Variants in TMEM230 observed in about 807,000 individuals in gnomAD.
The protein encoded by TMEM230 is UPF0414 transmembrane protein C20orf30.
In TMEM230, 10 loss-of-function variants were observed where a neutral mutation model predicts 15.8. The ratio of observed to expected loss-of-function variants is 0.63; its 90% CI spans 0.39 to 1.07. TMEM230 has a LOEUF of 1.07. Among genes scored for constraint, TMEM230 ranks in the 50% least tolerant of loss-of-function variants. The pLI is 0.01. For missense variants in TMEM230, 165 were observed against 193.3 expected (o/e 0.85, Z 0.87); for synonymous variants, 67 against 76.9 (o/e 0.87, Z 0.68).
In TMEM230 at chr20:5,091,486, C is replaced by G. The variant is rs569478026; in HGVS notation, c.222+14702G>C. The stretch of plus-strand genomic sequence containing the variant: ...TCGGCCTCCAAAAGTGCTGGGATTA[C>G]AGGTGTGAGCCACCGCACCCAGCTG... On this transcript the variant is annotated intron_variant, in intron 3 of 3. Coordinates refer to the TMEM230 transcript ENST00000612323. 8.5e-5 allele frequency among the ~76,000 whole-genome samples: 13 copies of G among 152,276 alleles called. No individual in the cohort carries two copies. The East Asian group carries it at 2.5e-3, about 29-fold the overall frequency.
the TMEM230 span, among the ~76,000 whole-genome samples, chr20:5,062,507 G>A: frequency 6.6e-6 from 1 of 152,152 alleles, no homozygotes; most frequent in Non-Finnish European, 1.5e-5. Context: ...TGTAATCCCA[G>A]CACTTTGAAA....
chr20:5,102,074 C>T (rs1406098060), intron 4 of TMEM230, among the ~76,000 whole-genome samples: 1 of 152,216 alleles, frequency 6.6e-6, no homozygotes, highest in Non-Finnish European at 1.5e-5. Flanking sequence ...CAAACTATGA[C>T]AGGGCAAACT....
rs1436997917 is a variant in TMEM230 at position 5,082,920 on chromosome 20, TTG to T, written c.223-13573_223-13572del. Among the ~76,000 whole-genome samples the T allele has an allele frequency of 1.8e-4, 18 of 102,314 alleles. No individual in the cohort carries two copies. In the South Asian group the frequency reaches 3.5e-3, roughly 20 times the overall value. The allele number at this position is 102,314 out of a possible 152,430, so 67.1% of individuals were successfully genotyped here. A position where few individuals can be genotyped will look rare whatever the true frequency, so the allele number is the denominator to read the frequency against. ...TGGCATTTGTGATTAATTCTTCATATTGTTTTTTTTTTTTTTTTCTTTTTCAG... is the reference window on the plus strand; with the variant it reads ...TGGCATTTGTGATTAATTCTTCATATTTTTTTTTTTTTTTTTCTTTTTCAG... On this transcript the variant is annotated intron_variant, in intron 3 of 3. Transcript: ENST00000612323.
chr20:5,098,894 A>T (rs1242538588), downstream of TMEM230, among the ~76,000 whole-genome samples: 2 of 152,182 alleles, frequency 1.3e-5, no homozygotes, highest in Non-Finnish European at 2.9e-5. Context: ...CAGGAAGGGT[A>T]TATTAAGAAA....
chr20:5,063,766 G>T (rs2088628059), downstream of TMEM230, among the ~76,000 whole-genome samples: 1 of 150,892 alleles, frequency 6.6e-6, no homozygotes, highest in South Asian at 2.1e-4. Context: ...TGATGAAATA[G>T]AATTTATAAC....
intron 3 of TMEM230, among the ~76,000 whole-genome samples, chr20:5,076,867 G>A (rs1250313139): frequency 1.3e-5 from 2 of 151,184 alleles, no homozygotes; most frequent in African/African-American, 2.4e-5. Context: ...TAGTACAGAC[G>A]GGGTTTCGCC....
At chr20:5,087,935 T>G (rs545388783) in intron 3 of TMEM230, among the ~76,000 whole-genome samples, 2 of 146,180 alleles carry the variant, frequency 1.4e-5, no homozygotes, top group African/African-American at 5.0e-5. Flanking sequence ...TCAAGTGATC[T>G]GCCCGCGGTG....
At chr20:5,066,846 C>T (rs1167526700), downstream of TMEM230, among the ~76,000 whole-genome samples, 2 of 152,104 alleles carry the variant, frequency 1.3e-5, no homozygotes, top group East Asian at 3.9e-4. Flanking sequence ...CATCCCCTCA[C>T]TCACCTGTTT....
chr20:5,105,464 G>A (rs1490507319), intron 4 of TMEM230, among the ~76,000 whole-genome samples: 6 of 151,344 alleles, frequency 4.0e-5, no homozygotes, highest in African/African-American at 1.2e-4. Flanking sequence ...GGTGGCGCAC[G>A]TCTGTAATTC....
intron 4 of TMEM230, among the ~76,000 whole-genome samples, chr20:5,101,942 ATT>A (rs1342732707): frequency 6.6e-6 from 1 of 152,194 alleles, no homozygotes; most frequent in Non-Finnish European, 1.5e-5. Flanking sequence ...CAGAATTGCT[ATT>A]TCTCTCCAAA....
intron 1 of TMEM230, chr20:5,112,728 AC>A: frequency 6.9e-7 from 1 of 1,440,656 alleles, no homozygotes; most frequent in Non-Finnish European, 9.1e-7. Context: ...GCCTCTACAT[AC>A]GTTATTCTCC....
chr20:5,069,998 C>T (rs758266152), intron 3 of TMEM230, among the ~76,000 whole-genome samples: 20 of 152,218 alleles, frequency 1.3e-4, no homozygotes, highest in Non-Finnish European at 1.9e-4. Flanking sequence ...GTGTGAGCCA[C>T]TGCGCCCAGC....
chr20:5,072,924 C>A (rs145751499), intron 3 of TMEM230, among the ~76,000 whole-genome samples: 1 of 149,750 alleles, frequency 6.7e-6, no homozygotes, highest in Non-Finnish European at 1.5e-5. Flanking sequence ...GAAACAGGAG[C>A]CAAACAGCAC....
At chr20:5,092,319 T>C (rs984125350) in intron 3 of TMEM230, among the ~76,000 whole-genome samples, 8 of 152,152 alleles carry the variant, frequency 5.3e-5, no homozygotes, top group Non-Finnish European at 1.2e-4. Flanking sequence ...CATGGCGCTT[T>C]TGGTCTCACT....
At chr20:5,067,438 TATATATATATATATATATATA>T (rs1568475881), downstream of TMEM230, 5 of 104,746 alleles carry the variant, frequency 4.8e-5, no homozygotes, top group African/African-American at 2.6e-4. Flanking sequence ...TATATATATA[TATATATATATATATATATATA>T]TTTTAAGACA....
intron 2 of TMEM230, among the ~76,000 whole-genome samples, chr20:5,110,511 C>G (rs1367568970): frequency 6.6e-6 from 1 of 152,134 alleles, no homozygotes; most frequent in Non-Finnish European, 1.5e-5. Flanking sequence ...TCTCGAACTT[C>G]TGACCTCAAG....
At chr20:5,070,651 C>A (rs751203265) in intron 3 of TMEM230, among the ~76,000 whole-genome samples, 1 of 152,180 alleles carries the variant, frequency 6.6e-6, no homozygotes, top group African/African-American at 2.4e-5. Flanking sequence ...TCCACTAATT[C>A]AAGTGTAAGT....
At chr20:5,071,784 A>G (rs1479196996) in intron 3 of TMEM230, among the ~76,000 whole-genome samples, 1 of 151,992 alleles carries the variant, frequency 6.6e-6, no homozygotes, top group Non-Finnish European at 1.5e-5. Flanking sequence ...TCTGTCACCC[A>G]GGCTGGAGTG....
At chr20:5,062,063 T>C in the TMEM230 span, among the ~76,000 whole-genome samples, 1 of 150,178 alleles carries the variant, frequency 6.7e-6, no homozygotes, top group South Asian at 2.1e-4. Flanking sequence ...TCTATAAAAA[T>C]ACAAAAAAAT....
Sources: allele counts gnomAD v4.1 joint callset (sites outside exome capture counted in the v4.1 genomes callset), GRCh38; gene constraint gnomAD v4.1.1; transcripts MANE v1.5; gene names NCBI Gene and HGNC (gene_info 2026-07-23, HGNC 2026-07-21).